ARHGEF33: variants seen among roughly 807,000 people sequenced by gnomAD.
ARHGEF33 encodes the protein Rho guanine nucleotide exchange factor 33, also known as DH and coiled-coil domain-containing protein ENSP00000381780.
Under a neutral mutation model 101.9 loss-of-function variants are expected in ARHGEF33, and 72 were observed. The ratio of observed to expected loss-of-function variants is 0.71; its 90% confidence interval spans 0.58 to 0.86. The LOEUF (loss-of-function observed/expected upper bound fraction) is 0.86, where lower values mean the gene tolerates loss of function less well. Ranked by LOEUF, ARHGEF33 falls within the 40% of genes least tolerant of loss-of-function variation. The pLI, the probability that ARHGEF33 is intolerant of heterozygous loss-of-function variation, is 0.00. For missense variants in ARHGEF33, 1,169 were observed against 1,111.3 expected (o/e 1.05, Z -0.74); for synonymous variants, 499 against 442.5 (o/e 1.13, Z -1.60).
rs114812218 is a variant in ARHGEF33 at position 38,953,583 on chromosome 2, T to A, written c.1137+338T>A. ...TTTCCAGTCTCAGAAGATGTGAATC[T>A]GAATATTAAACTTCAGTCATCCTTT... On this transcript the variant is annotated intron_variant, in intron 12 of 17. Transcript: ENST00000409978. Among the ~76,000 whole-genome samples the A allele has an allele frequency of 2.7e-3, 418 of 152,350 alleles. 2 individuals carry two copies. The highest frequency in any genetic ancestry group is 9.7e-3 in the African/African-American group (403 of 41,586).
At chr2:38,949,711 G>C (rs1182101935) in intron 10 of ARHGEF33, among the ~76,000 whole-genome samples, 1 of 152,196 alleles carries the variant, frequency 6.6e-6, no homozygotes, top group Non-Finnish European at 1.5e-5. Flanking sequence ...CTGAGACTGG[G>C]TAATTTGTAA....
Position 38,919,374 on chromosome 2 carries a change from A to G in ARHGEF33, c.-74A>G. On this transcript the variant is annotated 5_prime_UTR_variant, in exon 3 of 18. Coordinates refer to ENST00000409978, the MANE Select transcript of ARHGEF33 (RefSeq NM_001145451.5). ...ATTTGAATTGACAGGTGCAGGGAAGAGGAGGTGGCCTGAGCCAGGACGATG... is the reference window on the plus strand; with the variant it reads ...ATTTGAATTGACAGGTGCAGGGAAGGGGAGGTGGCCTGAGCCAGGACGATG... The G allele has an allele frequency of 6.9e-7, 1 of 1,450,976 alleles. No homozygotes were observed. Among genetic ancestry groups the G allele is most frequent in the Non-Finnish European group, 9.5e-7 (1 of 1,055,410 alleles). 89.9% of individuals were successfully genotyped at this position (1,450,976 alleles called of 1,614,324 possible). A position where few individuals can be genotyped will look rare whatever the true frequency, so the allele number is the denominator to read the frequency against.
intron 16 of ARHGEF33, among the ~76,000 whole-genome samples, chr2:38,964,294 C>A (rs1668007504): frequency 6.6e-6 from 1 of 151,972 alleles, no homozygotes; most frequent in Non-Finnish European, 1.5e-5. Context: ...ACTTTTAAGG[C>A]CACCAGATGC....
Position 38,959,927 on chromosome 2 carries a change from T to C in ARHGEF33, c.1622T>C (p.Leu541Pro). 1 of 1,551,746 alleles carries C rather than the reference T, an allele frequency of 6.4e-7. No individual in the cohort carries two copies. Residue 541 changes from leucine to proline, a missense_variant, in exon 16 of 18, where the codon CTG becomes CCG. Transcript: ENST00000409978. The part of the protein sequence containing the change: ...MQPGKPSDWE[L>P]EGRKHERPES... The stretch of plus-strand genomic sequence containing the variant: ...CCCGGGAAGCCCAGTGACTGGGAGC[T>C]GGAGGGCAGGAAGCACGAGCGGCCC...
In ARHGEF33 at chr2:38,966,126, C is replaced by T. The variant is rs1429106675; in HGVS notation, c.2464C>T (p.Arg822Cys). The T allele has an allele frequency of 7.1e-6, 11 of 1,551,422 alleles. No individual in the cohort carries two copies. Among genetic ancestry groups the T allele is most frequent in the Admixed American group, 2.0e-5 (1 of 50,934 alleles). Residue 822 changes from arginine to cysteine, a missense_variant, in exon 17 of 18, where the codon CGC becomes TGC. By Grantham distance (180) the Arg-to-Cys change is radical (BLOSUM62 -3). Coordinates refer to ENST00000409978, the MANE Select transcript of ARHGEF33 (RefSeq NM_001145451.5). Reference protein sequence around the residue: ...DQKGGFRSSFRKLFKKKSSGS... With the variant: ...DQKGGFRSSFCKLFKKKSSGS... Reference sequence around the variant, plus strand: ...GAAGGGGGGCTTTCGCAGCTCCTTCCGCAAGCTCTTTAAAAAGAAGTGAGT... The same window carrying T: ...GAAGGGGGGCTTTCGCAGCTCCTTCTGCAAGCTCTTTAAAAAGAAGTGAGT...
At chr2:38,956,199 C>G (rs897871421) in intron 13 of ARHGEF33, among the ~76,000 whole-genome samples, 2 of 152,068 alleles carry the variant, frequency 1.3e-5, no homozygotes, top group South Asian at 4.2e-4. Context: ...ATATGGCAAA[C>G]AAGCCCTGGT....
At chr2:38,944,397 C>A (rs975254428) in intron 10 of ARHGEF33, among the ~76,000 whole-genome samples, 1 of 152,044 alleles carries the variant, frequency 6.6e-6, no homozygotes, top group African/African-American at 2.4e-5. Context: ...CAGGAGAACC[C>A]ACTCCCTCAG....
intron 1 of ARHGEF33, among the ~76,000 whole-genome samples, chr2:38,894,423 G>GAA (rs55794947): frequency 0.013 from 1,875 of 147,584 alleles, 37 homozygotes; most frequent in African/African-American, 0.043. Flanking sequence ...TATGCTGGGG[G>GAA]AAAAAAAAAA....
At chr2:38,955,939 G>A (rs1667742508) in intron 13 of ARHGEF33, among the ~76,000 whole-genome samples, 2 of 152,082 alleles carry the variant, frequency 1.3e-5, no homozygotes, top group African/African-American at 2.4e-5. Flanking sequence ...AAAGTGCTGG[G>A]ATGACAGGTG....
At chr2:38,926,166 C>A (rs1416410472) in intron 4 of ARHGEF33, among the ~76,000 whole-genome samples, 3 of 152,150 alleles carry the variant, frequency 2.0e-5, no homozygotes, top group Non-Finnish European at 4.4e-5. Flanking sequence ...CAGTGGGAGC[C>A]CGCCTCCAGC....
Position 38,958,015 on chromosome 2 carries a change from G to GTTA in ARHGEF33, c.1371-16_1371-14dup. 6.4e-7 allele frequency: 1 copy of GTTA among 1,552,134 alleles called. No homozygotes were observed. The highest frequency in any genetic ancestry group is 8.7e-7 in the Non-Finnish European group (1 of 1,147,058). On this transcript the variant is annotated intron_variant, in intron 14 of 17. Transcript: ENST00000409978. Reference sequence around the variant, plus strand: ...TTTGCCACTGTACAACCTGAGAACTGTTATTTCCATTCTGTTAGGTCATCC... The same window carrying GTTA: ...TTTGCCACTGTACAACCTGAGAACTGTTATTATTTCCATTCTGTTAGGTCATCC...
intron 2 of ARHGEF33, among the ~76,000 whole-genome samples, chr2:38,907,528 C>T (rs2124983652): frequency 6.6e-6 from 1 of 152,336 alleles, no homozygotes; most frequent in South Asian, 2.1e-4. Context: ...CAATGTACTA[C>T]TAACTCAGCC....
In ARHGEF33 at chr2:38,958,073, G is replaced by A. The variant is rs1260328920; in HGVS notation, c.1410G>A (p.Gln470=). 1.2e-5 allele frequency: 18 copies of A among 1,552,240 alleles called. No individual in the cohort carries two copies. Among genetic ancestry groups the A allele is most frequent in the Non-Finnish European group, 1.5e-5 (17 of 1,147,128 alleles). ...AGCTGTACAAAGGGCTGGCTTCCCA[G>A]TGTGCCAATGCTGGGCAAGATGCTT... ...MAKLYKGLAS[Q]CANAGQDASP... The change falls in exon 15 of 18, where the codon CAG becomes CAA. Residue 470 remains glutamine, a synonymous_variant. Coordinates refer to ENST00000409978, the MANE Select transcript of ARHGEF33 (RefSeq NM_001145451.5).
chr2:38,957,785 A>T (rs914652779), intron 14 of ARHGEF33: 5 of 438,534 alleles, frequency 1.1e-5, no homozygotes, highest in Non-Finnish European at 2.1e-5. Flanking sequence ...GGTTCCTGTT[A>T]TGGAAGCTGT....
At chr2:38,949,729 A>C (rs552995388) in intron 10 of ARHGEF33, among the ~76,000 whole-genome samples, 4 of 152,278 alleles carry the variant, frequency 2.6e-5, no homozygotes, top group African/African-American at 9.6e-5. Flanking sequence ...TAAAGTAAAG[A>C]GGTTTAATTG....
Position 38,960,490 on chromosome 2 carries a change from C to CGCA in ARHGEF33, c.2194_2196dup (p.Ser732dup), listed in dbSNP as rs924257869. The CGCA allele has an allele frequency of 5.0e-6, 7 of 1,395,180 alleles. No homozygotes were observed. The highest frequency in any genetic ancestry group is 4.6e-5 in the African/African-American group (3 of 65,680). 86.4% of individuals were successfully genotyped at this position (1,395,180 alleles called of 1,614,324 possible). On this transcript the variant is annotated inframe_insertion, in exon 16 of 18. Transcript: ENST00000409978. ...CGTGGCCCCACGCCTCTACAGCACGCGCAGCAGCAGCGGCGGCCGCGCGCC... is the reference window on the plus strand; with the variant it reads ...CGTGGCCCCACGCCTCTACAGCACGCGCAGCAGCAGCAGCGGCGGCCGCGCGCC...
Position 38,953,259 on chromosome 2 carries a change from A to G in ARHGEF33, c.1137+14A>G, listed in dbSNP as rs1316603175. The G allele has an allele frequency of 4.3e-6, 6 of 1,408,388 alleles. No individual in the cohort carries two copies. In the African/African-American group the frequency reaches 7.1e-5, roughly 17 times the overall value. The allele number at this position is 1,408,388 out of a possible 1,614,324, so 87.2% of individuals were successfully genotyped here. On this transcript the variant is annotated intron_variant, in intron 12 of 17. Transcript: ENST00000409978. Reference sequence around the variant, plus strand: ...GTCCTGAAAGAGGTGAGTTAACGCCATATATATGCTATCCTTCATCTGCAC... The same window carrying G: ...GTCCTGAAAGAGGTGAGTTAACGCCGTATATATGCTATCCTTCATCTGCAC...
Position 38,971,241 on chromosome 2 carries a change from C to T in ARHGEF33, c.2484-2473C>T, listed in dbSNP as rs539948702. 2.6e-5 allele frequency among the ~76,000 whole-genome samples: 4 copies of T among 152,326 alleles called. No homozygotes were observed. In the East Asian group the frequency reaches 7.7e-4, roughly 29 times the overall value. On this transcript the variant is annotated intron_variant, in intron 17 of 17. Coordinates refer to ENST00000409978, the MANE Select transcript of ARHGEF33 (RefSeq NM_001145451.5). ...GCAAATCTAGACTTGGTATGACCTA[C>T]TGAATTTGCTATTTTCTTTGTCACT... is the stretch of plus-strand genomic sequence containing the variant.
chr2:38,965,247 C>T (rs544450970), intron 16 of ARHGEF33, among the ~76,000 whole-genome samples: 10 of 152,126 alleles, frequency 6.6e-5, no homozygotes, highest in Admixed American at 3.3e-4. Flanking sequence ...ATACTTTGTT[C>T]GTATGGAATA....
Sources: gnomAD v4.1 joint callset for allele counts (sites outside exome capture counted in the v4.1 genomes callset) on GRCh38, gnomAD v4.1.1 for gene constraint, MANE v1.5 for transcripts, NCBI Gene and HGNC (gene_info 2026-07-23, HGNC 2026-07-21) for gene names.